Variants in ADAM8 observed in about 807,000 individuals in gnomAD.
ADAM8 encodes ADAM metallopeptidase domain 8.
ADAM8 carries 104 observed loss-of-function variants against 102.4 expected under a neutral mutation model. That is an observed-to-expected ratio of 1.02 (90% CI 0.87 to 1.20). The LOEUF is 1.20. Among genes scored for constraint, ADAM8 ranks in the 50% most tolerant of loss-of-function variants. The pLI is 0.00. For missense variants in ADAM8, 1,132 were observed against 1,159.0 expected (o/e 0.98, Z 0.34); for synonymous variants, 517 against 485.2 (o/e 1.07, Z -0.86).
In ADAM8 at chr10:133,273,444, C is replaced by A; in HGVS notation, c.384-1G>T. ...GTCTGACCCCACCTGGAAGAAACCC[C>A]TGAGGGGAGTGGGAGCCGGGTGTGC... On this transcript the variant is annotated splice_acceptor_variant, in intron 5 of 22. Transcript: ENST00000445355. LOFTEE classifies it high-confidence loss of function. 2.0e-6 allele frequency: 3 copies of A among 1,533,826 alleles called. No individual in the cohort carries two copies. The highest frequency in any genetic ancestry group is 2.6e-6 in the Non-Finnish European group (3 of 1,135,384).
At chr10:133,273,652 C>T in intron 5 of ADAM8, 110 bp downstream of exon 5, 3 of 1,363,034 alleles carry the variant, frequency 2.2e-6, no homozygotes, top group Non-Finnish European at 2.0e-6. Flanking sequence ...ACAGCAAAGG[C>T]CTGAGTGGGA....
chr10:133,266,227 G>A (rs1218187293), intron 21 of ADAM8, among the ~76,000 whole-genome samples: 1 of 152,118 alleles, frequency 6.6e-6, no homozygotes, highest in Non-Finnish European at 1.5e-5. Context: ...GTGCCTGGGG[G>A]GACCATGGCT....
chr10:133,273,273 A>ACGGCTGCC lies in ADAM8; in HGVS notation c.546_553dup (p.Val185GlyfsTer49), dbSNP rs1846616809. The stretch of plus-strand genomic sequence containing the variant: ...GCTCACCCCGGGCCGAGGCCTGAAG[A>ACGGCTGCC]CGGCTGCCGTCCGGGGTCCCAGGAG... On this transcript the variant is annotated frameshift_variant, in exon 6 of 23. Transcript: ENST00000445355. LOFTEE classifies it high-confidence loss of function. 1 of 1,601,660 alleles carries ACGGCTGCC rather than the reference A, an allele frequency of 6.2e-7. No homozygotes were observed. The highest frequency in any genetic ancestry group is 8.5e-7 in the Non-Finnish European group (1 of 1,175,626).
rs546977449 is a variant in ADAM8, at chr10:133,271,716, G to A, written c.1107-11C>T. On this transcript the variant is annotated splice_polypyrimidine_tract_variant and intron_variant, in intron 11 of 22. Coordinates refer to ENST00000445355, the MANE Select transcript of ADAM8 (RefSeq NM_001109.5). ...CTGGGGAAACTGGAGCTGGGGAGGC[G>A]GGGCAGCATTGGGGGAGGCGGCCTG... 645 of 1,547,790 alleles carry A rather than the reference G, an allele frequency of 4.2e-4. 11 individuals carry two copies. In the South Asian group the frequency reaches 6.8e-3, roughly 16 times the overall value.
rs774786953 is a variant in ADAM8, at chr10:133,273,004, G to T, written c.589C>A (p.Arg197=). Residue 197 remains arginine (R), a synonymous_variant, in exon 7 of 23, where the codon CGA becomes AGA. Transcript: ENST00000445355. The part of the protein sequence containing the change: ...RPRPGDSLPS[R]ETRYVELYVV... ...TACAGCTCCACGTAGCGGGTCTCTC[G>T]GGATGGCAGAGAGTCCTGGGGAACA... is the stretch of plus-strand genomic sequence containing the variant. The T allele has an allele frequency of 1.9e-6, 3 of 1,612,774 alleles. No homozygotes were observed. In the Admixed American group the frequency reaches 5.0e-5, roughly 27 times the overall value.
At position 133,273,290 on chromosome 10, in the gene ADAM8, TCCCAGGAGGCTG is replaced by T; in HGVS notation, c.525_536del (p.Ser176_Gly179del). 6.3e-7 allele frequency: 1 copy of T among 1,597,612 alleles called. No individual in the cohort carries two copies. Among genetic ancestry groups the T allele is most frequent in the South Asian group, 1.1e-5 (1 of 89,102 alleles). ...GCCTGAAGACGGCTGCCGTCCGGGG[TCCCAGGAGGCTG>T]CCCAGGCTGTCGTCGCTGACCCCGC... On this transcript the variant is annotated inframe_deletion, in exon 6 of 23. Coordinates refer to ENST00000445355, the MANE Select transcript of ADAM8 (RefSeq NM_001109.5).
Position 133,271,795 on chromosome 10 carries a change from G to C in ADAM8, c.1106+11C>G. 2 of 1,608,778 alleles carry C rather than the reference G, an allele frequency of 1.2e-6. No homozygotes were observed. The highest frequency in any genetic ancestry group is 1.7e-6 in the Non-Finnish European group (2 of 1,177,632). The stretch of plus-strand genomic sequence containing the variant: ...AGCATACCCTGGCTCTGCAGGGCCT[G>C]GCCGCCTCACCCAATGCTGCCCGCC... On this transcript the variant is annotated intron_variant, in intron 11 of 22. Coordinates refer to ENST00000445355, the MANE Select transcript of ADAM8 (RefSeq NM_001109.5).
chr10:133,276,508 G>C (rs981102191), intron 1 of ADAM8, among the ~76,000 whole-genome samples: 1 of 152,226 alleles, frequency 6.6e-6, no homozygotes, highest in Non-Finnish European at 1.5e-5. Flanking sequence ...GCCCGGCCCC[G>C]ACCCCACTAA....
At chr10:133,272,718 G>T in intron 8 of ADAM8, 80 bp downstream of exon 8, 1 of 1,527,632 alleles carries the variant, frequency 6.5e-7, no homozygotes. Context: ...GCTGGAGCAG[G>T]TGGAATGAAC....
Position 133,267,414 on chromosome 10 carries a change from G to A in ADAM8, c.2257C>T (p.Pro753Ser). 6.2e-7 allele frequency: 1 copy of A among 1,608,382 alleles called. No homozygotes were observed. The highest frequency in any genetic ancestry group is 1.1e-5 in the South Asian group (1 of 89,710). Residue 753 changes from proline (P) to serine (S), a missense_variant, in exon 21 of 23, where the codon CCG becomes TCG. Transcript: ENST00000445355. ...AAGGGTGGGCTGGACACAGTGACCG[G>A]AGGCTGGAGGAGACAGGGCCGAGAG... The part of the protein sequence containing the change: ...VALKRPPPAP[P>S]VTVSSPPFPV...
rs1846479101 is a variant in ADAM8, at chr10:133,270,366, T to C, written c.1779A>G (p.Pro593=). The change falls in exon 16 of 23, where the codon CCA becomes CCG. Residue 593 remains proline, a synonymous_variant. Transcript: ENST00000445355. ...CTCTGAGCCAGGGGCTCACCTTCTC[T>C]GGTCCACACCGGGTGCCCTCGGGCA... ...EPVPEGTRCG[P]EKVCWKGRCQ... is the part of the protein sequence containing the mutation. 5.7e-6 allele frequency: 9 copies of C among 1,583,972 alleles called. No homozygotes were observed. The highest frequency in any genetic ancestry group is 4.5e-5 in the East Asian group (2 of 44,042).
rs995849379 is a variant in ADAM8 at position 133,273,919 on chromosome 10, C to T, written c.306+32G>A. 1.7e-5 allele frequency: 27 copies of T among 1,571,850 alleles called. No homozygotes were observed. In the East Asian group the frequency reaches 6.2e-4, roughly 36 times the overall value. ...TCGGGGAGGGCCGCCCAGCCCCTAC[C>T]TGCCCGCCCAGCTGCTCCGCCCGAC... On this transcript the variant is annotated intron_variant, in intron 4 of 22. Coordinates refer to ENST00000445355, the MANE Select transcript of ADAM8 (RefSeq NM_001109.5).
rs372402697 is a variant in ADAM8, at chr10:133,269,931, G to C, written c.1829C>G (p.Ser610Cys). 6.8e-6 allele frequency: 11 copies of C among 1,612,794 alleles called. No homozygotes were observed. The highest frequency in any genetic ancestry group is 2.5e-6 in the Non-Finnish European group (3 of 1,179,964). Residue 610 changes from serine (S) to cysteine (C), a missense_variant, in exon 17 of 23, where the codon TCC becomes TGC. By Grantham distance (112) the Ser-to-Cys change is moderately radical. Coordinates refer to ENST00000445355, the MANE Select transcript of ADAM8 (RefSeq NM_001109.5). ...GTGGCACTGGGCAGAGCAGTTGCTG[G>C]ATCTGTAAACGTGTAAGTCCTGGCA... ...GRCQDLHVYR[S>C]SNCSAQCHNH... is the part of the protein sequence containing the mutation.
At chr10:133,263,609 A>AGTGTCACCGTCAGCCCCGTGGGGAGGCC in intron 22 of ADAM8, 79 bp downstream of exon 22, 16 of 64,664 alleles carry the variant, frequency 2.5e-4, no homozygotes, top group East Asian at 3.7e-4. Flanking sequence ...CCTCCAGGGC[A>AGTGTCACCGTCAGCCCCGTGGGGAGGCC]GTGCCACCGT....
intron 9 of ADAM8, 50 bp from the exon 10 acceptor site, chr10:133,272,324 T>TACCCA: frequency 1.4e-6 from 2 of 1,430,764 alleles, no homozygotes; most frequent in Non-Finnish European, 1.9e-6. Flanking sequence ...CCTCCCCACT[T>TACCCA]CCCTCCCACC....
Position 133,269,979 on chromosome 10 carries a change from G to A in ADAM8, c.1786-5C>T. The stretch of plus-strand genomic sequence containing the variant: ...GCAACGTCCTTTCCAGCAAACCTGG[G>A]GGTAGGAGGCGTCTCTCAGGCAGCC... On this transcript the variant is annotated splice_region_variant and splice_polypyrimidine_tract_variant and intron_variant, in intron 16 of 22. Coordinates refer to ENST00000445355, the MANE Select transcript of ADAM8 (RefSeq NM_001109.5). 6.2e-7 allele frequency: 1 copy of A among 1,612,538 alleles called. No individual in the cohort carries two copies.
chr10:133,264,796 G>A (rs1488646042), intron 21 of ADAM8, among the ~76,000 whole-genome samples: 4 of 146,012 alleles, frequency 2.7e-5, no homozygotes, highest in African/African-American at 1.0e-4. Flanking sequence ...CCTGGTTCCT[G>A]CTGCAGCCTC....
chr10:133,271,743 C>T lies in ADAM8; in HGVS notation c.1107-38G>A, dbSNP rs1398431739. ...GGCAGCATTGGGGGAGGCGGCCTGG[C>T]CCCTTCCCCACCCACCTCGTACCTC... On this transcript the variant is annotated intron_variant, in intron 11 of 22. Coordinates refer to ENST00000445355, the MANE Select transcript of ADAM8 (RefSeq NM_001109.5). The T allele has an allele frequency of 1.9e-6, 3 of 1,590,916 alleles. No homozygotes were observed. In the East Asian group the frequency reaches 6.8e-5, roughly 36 times the overall value.
chr10:133,275,552 G>GCTCCATGAGGGCCCT lies in ADAM8; in HGVS notation c.81_82insAGGGCCCTCATGGAG (p.Glu27_Gln28insArgAlaLeuMetGlu). The stretch of plus-strand genomic sequence containing the variant: ...CGCCACGGCAACACGACCTCATACT[G>GCTCCATGAGGGCCCT]CTCCATGAGGGCCCAGGGCCGGCTG... On this transcript the variant is annotated inframe_insertion, in exon 2 of 23. Transcript: ENST00000445355. 1.3e-6 allele frequency: 2 copies of GCTCCATGAGGGCCCT among 1,506,764 alleles called. No homozygotes were observed. The highest frequency in any genetic ancestry group is 1.8e-6 in the Non-Finnish European group (2 of 1,130,586). 93.3% of individuals were successfully genotyped at this position (1,506,764 alleles called of 1,614,324 possible). A position where few individuals can be genotyped will look rare whatever the true frequency, so the allele number is the denominator to read the frequency against.
Sources: allele counts gnomAD v4.1 joint callset (sites outside exome capture counted in the v4.1 genomes callset), GRCh38; gene constraint gnomAD v4.1.1; transcripts MANE v1.5; gene names NCBI Gene and HGNC (gene_info 2026-07-23, HGNC 2026-07-21).